Variants in RBBP6 observed in about 807,000 individuals in gnomAD.
RBBP6 encodes E3 ubiquitin-protein ligase RBBP6.
Under a neutral mutation model 167.7 loss-of-function variants are expected in RBBP6, and 25 were observed. That is an observed-to-expected ratio of 0.15 (90% CI 0.11 to 0.21). The LOEUF (loss-of-function observed/expected upper bound fraction) is 0.21, where lower values mean the gene tolerates loss of function less well. Among genes scored for constraint, RBBP6 ranks in the 10% least tolerant of loss-of-function variants. The probability of loss-of-function intolerance (pLI) is 1.00; values close to 1 mark genes in which losing one functional copy is unlikely to be tolerated. For missense variants in RBBP6, 1,868 were observed against 2,134.2 expected (o/e 0.88, Z 2.46); for synonymous variants, 789 against 735.8 (o/e 1.07, Z -1.17).
At chr16:24,563,909 C>T (rs997964424) in intron 13 of RBBP6, among the ~76,000 whole-genome samples, 1 of 151,726 alleles carries the variant, frequency 6.6e-6, no homozygotes, top group Non-Finnish European at 1.5e-5. Flanking sequence ...TTTTTTTCTA[C>T]TTTCATATCC....
intron 6 of RBBP6, 59 bp from the exon 7 acceptor site, chr16:24,556,249 A>G: frequency 2.2e-6 from 3 of 1,375,276 alleles, no homozygotes; most frequent in Non-Finnish European, 3.0e-6. Context: ...TAGCTAATTT[A>G]TTAAATAAAG....
At chr16:24,547,692 G>A (rs986110192) in intron 2 of RBBP6, among the ~76,000 whole-genome samples, 2 of 152,150 alleles carry the variant, frequency 1.3e-5, no homozygotes, top group Admixed American at 6.5e-5. Context: ...CTGACCTCAG[G>A]TGATCCACCC....
intron 1 of RBBP6, among the ~76,000 whole-genome samples, chr16:24,544,448 TC>T (rs972492050): frequency 6.6e-6 from 1 of 152,232 alleles, no homozygotes; most frequent in African/African-American, 2.4e-5. Context: ...CAATTTCATT[TC>T]TAACAATACT....
chr16:24,564,958 AG>A (rs1899157533), intron 14 of RBBP6, 93 bp downstream of exon 14: 1 of 1,500,420 alleles, frequency 6.7e-7, no homozygotes, highest in East Asian at 2.5e-5. Flanking sequence ...GCAGGAAGGA[AG>A]GGGGTCATTT....
Position 24,551,259 on chromosome 16 carries a change from C to G in RBBP6, c.304-2254C>G, listed in dbSNP as rs780320719. On this transcript the variant is annotated intron_variant, in intron 3 of 17. Coordinates refer to ENST00000319715, the MANE Select transcript of RBBP6 (RefSeq NM_006910.5). ...GGAGGTGGGTTAATTTTAATGTCTA[C>G]GGTCTGCATCAGTCCGTTTTGTGAG... Among the ~76,000 whole-genome samples, 3 of 151,822 alleles carry G rather than the reference C, an allele frequency of 2.0e-5. 1 individual carries two copies. The South Asian group carries it at 6.2e-4, about 31-fold the overall frequency.
At chr16:24,557,899 G>A (rs1006145416) in intron 7 of RBBP6, among the ~76,000 whole-genome samples, 2 of 152,054 alleles carry the variant, frequency 1.3e-5, no homozygotes, top group African/African-American at 2.4e-5. Flanking sequence ...TAGTGTTTTC[G>A]TTCACAGATA....
Position 24,568,989 on chromosome 16 carries a change from C to G in RBBP6, c.2299C>G (p.His767Asp). The change falls in exon 17 of 18, where the codon CAT becomes GAT. Residue 767 changes from histidine (H) to aspartate (D), a missense_variant. By Grantham distance (81) the His-to-Asp change is moderately conservative (BLOSUM62 -1). Around this residue, in one of 7 missense-constraint regions of RBBP6, gnomAD observed 673 missense variants for 691.5 expected, o/e 0.97. Transcript: ENST00000319715. ...RSRSPPYRRY[H>D]SRSRSPQAFR... ...AAGGTCACCCCCTTACAGACGCTAT[C>G]ATTCACGATCAAGATCTCCTCAAGC... The G allele has an allele frequency of 1.2e-6, 2 of 1,614,118 alleles. No homozygotes were observed. The highest frequency in any genetic ancestry group is 1.7e-6 in the Non-Finnish European group (2 of 1,179,968).
intron 1 of RBBP6, among the ~76,000 whole-genome samples, chr16:24,544,014 G>T (rs1475483398): frequency 6.6e-6 from 1 of 152,112 alleles, no homozygotes; most frequent in Non-Finnish European, 1.5e-5. Flanking sequence ...CCCCTAGAAA[G>T]ATACTTTGAG....
At position 24,542,828 on chromosome 16, in the gene RBBP6, A is replaced by AT. The variant is rs766798056; in HGVS notation, c.166+2045dup. Among the ~76,000 whole-genome samples the AT allele has an allele frequency of 1.6e-4, 25 of 151,614 alleles. No individual in the cohort carries two copies. In the East Asian group the frequency reaches 1.9e-3, roughly 12 times the overall value. ...AGAGTTTTGTGACTTTGTGTAACCA[A>AT]TTTTTTTTTCCTAGCCCAGGAAATA... On this transcript the variant is annotated intron_variant, in intron 1 of 17. Coordinates refer to ENST00000319715, the MANE Select transcript of RBBP6 (RefSeq NM_006910.5).
intron 6 of RBBP6, 113 bp downstream of exon 6, chr16:24,556,030 G>C: frequency 9.4e-7 from 1 of 1,066,706 alleles, no homozygotes; most frequent in Non-Finnish European, 1.4e-6. Context: ...TGGCAAATGA[G>C]CATGGTCTCT....
Position 24,572,375 on chromosome 16 carries a change from C to A in RBBP6, c.5309C>A (p.Ser1770Ter). Residue 1770 changes from serine to a stop codon, truncating the protein, a stop_gained, in exon 18 of 18, where the codon TCA becomes TAA. Coordinates refer to ENST00000319715, the MANE Select transcript of RBBP6 (RefSeq NM_006910.5). LOFTEE classifies it high-confidence loss of function. ...SQKHKHKKKK[S>*]KKNKDKEKEK... is the part of the protein sequence containing the mutation. ...AAACACAAACACAAGAAAAAGAAGT[C>A]AAAGAAGAACAAAGATAAAGAGAAG... is the stretch of plus-strand genomic sequence containing the variant. 1.3e-6 allele frequency: 2 copies of A among 1,548,562 alleles called. No individual in the cohort carries two copies. Among genetic ancestry groups the A allele is most frequent in the South Asian group, 1.2e-5 (1 of 83,206 alleles).
At position 24,540,348 on chromosome 16, in the gene RBBP6, C is replaced by A. The variant is rs941494235; in HGVS notation, c.-279C>A. 6.3e-6 allele frequency: 2 copies of A among 318,906 alleles called. No homozygotes were observed. Among genetic ancestry groups the A allele is most frequent in the Non-Finnish European group, 1.2e-5 (2 of 170,804 alleles). 19.8% of individuals were successfully genotyped at this position (318,906 alleles called of 1,614,324 possible). The stretch of plus-strand genomic sequence containing the variant: ...TTAGCATGAGCGAGGGGGACCCAGC[C>A]GGGTGACATTGTGCCCGTTGGCGGA... On this transcript the variant is annotated 5_prime_UTR_variant, in exon 1 of 18. Coordinates refer to ENST00000319715, the MANE Select transcript of RBBP6 (RefSeq NM_006910.5).
Position 24,559,496 on chromosome 16 carries a change from C to A in RBBP6, c.675-9C>A, listed in dbSNP as rs1596507167. On this transcript the variant is annotated splice_polypyrimidine_tract_variant and intron_variant, in intron 7 of 17. Coordinates refer to ENST00000319715, the MANE Select transcript of RBBP6 (RefSeq NM_006910.5). ...AACAATGGTAAAACATGAAAACTTT[C>A]TTTTACAGAGAAGCATATGCAATTG... 3 of 1,586,352 alleles carry A rather than the reference C, an allele frequency of 1.9e-6. No homozygotes were observed. The highest frequency in any genetic ancestry group is 4.5e-5 in the East Asian group (2 of 44,314).
chr16:24,544,367 C>T (rs1361844525), intron 1 of RBBP6, among the ~76,000 whole-genome samples: 1 of 152,140 alleles, frequency 6.6e-6, no homozygotes, highest in East Asian at 1.9e-4. Flanking sequence ...AGGAAATTGC[C>T]TACCTCTAAT....
At position 24,569,272 on chromosome 16, in the gene RBBP6, C is replaced by A; in HGVS notation, c.2582C>A (p.Ser861Tyr). 1 of 1,612,306 alleles carries A rather than the reference C, an allele frequency of 6.2e-7. No homozygotes were observed. Among genetic ancestry groups the A allele is most frequent in the Non-Finnish European group, 8.5e-7 (1 of 1,179,624 alleles). The change falls in exon 17 of 18, where the codon TCT becomes TAT. Residue 861 changes from serine to tyrosine, a missense_variant. Ser to Tyr is a moderately radical substitution (Grantham distance 144, BLOSUM62 -2). This residue lies in a region of RBBP6 where 673 missense variants were observed against 691.5 expected (regional missense o/e 0.97). Coordinates refer to ENST00000319715, the MANE Select transcript of RBBP6 (RefSeq NM_006910.5). ...PRPSANRENF[S>Y]PERFLPLNIR... ...CCCTCAGCAAATAGAGAGAACTTTT[C>A]TCCAGAGAGATTTTTGCCACTTAAC...
At chr16:24,564,992 T>C (rs1899158153) in intron 14 of RBBP6, 127 bp downstream of exon 14, 3 of 1,396,522 alleles carry the variant, frequency 2.1e-6, no homozygotes, top group Non-Finnish European at 2.8e-6. Context: ...CTTATCCCTC[T>C]TAAGTCCTGG....
At chr16:24,540,874 A>AT in intron 1 of RBBP6, 82 bp downstream of exon 1, 1 of 1,506,284 alleles carries the variant, frequency 6.6e-7, no homozygotes, top group Non-Finnish European at 8.9e-7. Context: ...GCTAACCGCC[A>AT]TTATGTCTCT....
At chr16:24,541,773 G>A (rs979564360) in intron 1 of RBBP6, among the ~76,000 whole-genome samples, 2 of 152,192 alleles carry the variant, frequency 1.3e-5, no homozygotes, top group African/African-American at 4.8e-5. Context: ...GCAGTTCGGT[G>A]TTCTAAAAGT....
chr16:24,570,005 C>A lies in RBBP6; in HGVS notation c.3315C>A (p.Val1105=). 1.3e-6 allele frequency: 2 copies of A among 1,596,686 alleles called. No individual in the cohort carries two copies. Among genetic ancestry groups the A allele is most frequent in the South Asian group, 2.3e-5 (2 of 86,844 alleles). The change falls in exon 17 of 18, where the codon GTC becomes GTA. Residue 1105 remains valine (V), a synonymous_variant. Coordinates refer to ENST00000319715, the MANE Select transcript of RBBP6 (RefSeq NM_006910.5). ...SAKEHQETKP[V]KEEKVKKDYS... ...AAGAACACCAAGAAACAAAACCAGT[C>A]AAAGAGGAAAAAGTGAAGAAGGACT...
Sources: allele counts gnomAD v4.1 joint callset (sites outside exome capture counted in the v4.1 genomes callset), GRCh38; gene constraint gnomAD v4.1.1; regional missense constraint gnomAD v4.1.1; transcripts MANE v1.5; gene names NCBI Gene and HGNC (gene_info 2026-07-23, HGNC 2026-07-21).